ARID1B: variants seen among roughly 807,000 people sequenced by gnomAD.
The protein encoded by ARID1B is AT-rich interaction domain 1B, also known as AT-rich interactive domain-containing protein 1B.
ARID1B carries 30 observed loss-of-function variants against 212.3 expected under a neutral mutation model. The observed-to-expected ratio is 0.14, with a 90% CI of 0.11 to 0.19. The LOEUF is 0.19. ARID1B is among the 10% of genes least tolerant of loss of function. The probability of loss-of-function intolerance (pLI) is 1.00; values close to 1 mark genes in which losing one functional copy is unlikely to be tolerated. For missense variants in ARID1B, 2,891 were observed against 3,204.0 expected (o/e 0.90, Z 2.36); for synonymous variants, 1,402 against 1,301.7 (o/e 1.08, Z -1.66).
intron 4 of ARID1B, among the ~76,000 whole-genome samples, chr6:157,067,755 G>A (rs1783767891): frequency 6.6e-6 from 1 of 152,110 alleles, no homozygotes; most frequent in Non-Finnish European, 1.5e-5. Flanking sequence ...ACTGTGCAGT[G>A]CCTGTGTTTT....
chr6:156,908,867 T>C (rs942437787), intron 3 of ARID1B, among the ~76,000 whole-genome samples: 1 of 152,098 alleles, frequency 6.6e-6, no homozygotes, highest in Non-Finnish European at 1.5e-5. Context: ...TGAACAATGT[T>C]TTGTGTTTGA....
intron 2 of ARID1B, among the ~76,000 whole-genome samples, chr6:156,878,859 C>G (rs1786807553): frequency 6.6e-6 from 1 of 152,210 alleles, no homozygotes; most frequent in Non-Finnish European, 1.5e-5. Flanking sequence ...GAATTGTCAT[C>G]ATCATGGGTT....
intron 2 of ARID1B, among the ~76,000 whole-genome samples, chr6:156,856,209 A>G (rs1157031674): frequency 6.6e-6 from 1 of 152,202 alleles, no homozygotes; most frequent in African/African-American, 2.4e-5. Flanking sequence ...TGCAGGTGCC[A>G]TGTGGAAAGA....
intron 9 of ARID1B, chr6:157,168,775 G>A (rs536159087): frequency 9.8e-5 from 15 of 152,296 alleles, no homozygotes; most frequent in African/African-American, 3.4e-4. Flanking sequence ...TCGTTATTCC[G>A]TACAGAGGAA....
chr6:156,846,184 T>A (rs540390449), intron 2 of ARID1B, among the ~76,000 whole-genome samples: 1 of 151,258 alleles, frequency 6.6e-6, no homozygotes, highest in Admixed American at 6.6e-5. Flanking sequence ...AGACAGAGTC[T>A]CACTCTGTCA....
chr6:157,008,831 A>G (rs1348803801), intron 4 of ARID1B, among the ~76,000 whole-genome samples: 1 of 151,994 alleles, frequency 6.6e-6, no homozygotes, highest in African/African-American at 2.4e-5. Context: ...GAGCTCTCAC[A>G]GTTTGTAATG....
intron 4 of ARID1B, among the ~76,000 whole-genome samples, chr6:157,055,964 T>A (rs370498910): frequency 6.6e-6 from 1 of 152,178 alleles, no homozygotes; most frequent in African/African-American, 2.4e-5. Flanking sequence ...GAGATTTGCA[T>A]TCAATCTCTC....
chr6:156,872,029 A>G (rs1562449459), intron 2 of ARID1B, among the ~76,000 whole-genome samples: 2 of 152,234 alleles, frequency 1.3e-5, no homozygotes, highest in Admixed American at 6.5e-5. Context: ...ATGTGCATAT[A>G]TGATATTGTA....
chr6:156,805,919 C>T (rs182380066), intron 1 of ARID1B, among the ~76,000 whole-genome samples: 1 of 152,238 alleles, frequency 6.6e-6, no homozygotes. Flanking sequence ...TCAAGTGATC[C>T]TCCTGCCTTG....
chr6:157,021,829 G>C (rs1780309117), intron 4 of ARID1B, among the ~76,000 whole-genome samples: 2 of 152,098 alleles, frequency 1.3e-5, no homozygotes, highest in African/African-American at 4.8e-5. Flanking sequence ...ACATGAGCCG[G>C]CGCGGCCAGA....
In ARID1B at chr6:157,200,419, C is replaced by A. The variant is rs1226178104; in HGVS notation, c.4480-286C>A. Among the ~76,000 whole-genome samples the A allele has an allele frequency of 6.6e-6, 1 of 152,002 alleles. No individual in the cohort carries two copies. On this transcript the variant is annotated intron_variant, in intron 17 of 19. Transcript: ENST00000636930. The surrounding 1 kb of genome is among the most constrained non-coding windows in gnomAD (Gnocchi z 4.3). Reference sequence around the variant, plus strand: ...CGTCTGCCTGTGTGGGAGTTGAACGCTGGCTGTCCCGGTGGCACAGCCTAA... The same window carrying A: ...CGTCTGCCTGTGTGGGAGTTGAACGATGGCTGTCCCGGTGGCACAGCCTAA...
intron 3 of ARID1B, among the ~76,000 whole-genome samples, chr6:156,932,921 C>T (rs922041166): frequency 1.9e-4 from 29 of 152,206 alleles, no homozygotes; most frequent in Non-Finnish European, 4.1e-4. Context: ...TACTTAATAG[C>T]TGAAAGCTTC....
chr6:157,127,048 A>C (rs531301236), intron 6 of ARID1B, among the ~76,000 whole-genome samples: 36 of 152,390 alleles, frequency 2.4e-4, no homozygotes, highest in Non-Finnish European at 4.1e-4. Flanking sequence ...GAAACATTTT[A>C]AAATGTATTT....
intron 3 of ARID1B, among the ~76,000 whole-genome samples, chr6:156,920,625 T>C (rs990084083): frequency 2.0e-5 from 3 of 152,196 alleles, no homozygotes; most frequent in Non-Finnish European, 2.9e-5. Context: ...TTTGCTAATG[T>C]GGGCAGTGGT....
At chr6:156,908,642 A>C (rs1582924409) in intron 3 of ARID1B, among the ~76,000 whole-genome samples, 1 of 152,220 alleles carries the variant, frequency 6.6e-6, no homozygotes, top group South Asian at 2.1e-4. Flanking sequence ...ATATGAGACT[A>C]AAATTTTTTC....
intron 5 of ARID1B, among the ~76,000 whole-genome samples, chr6:157,109,926 CCTT>C (rs1255857850): frequency 1.3e-5 from 2 of 152,004 alleles, no homozygotes; most frequent in African/African-American, 4.8e-5. Context: ...AATAATAGTC[CCTT>C]CTTTAGTGAT....
intron 5 of ARID1B, among the ~76,000 whole-genome samples, chr6:157,104,029 G>T (rs1019859133): frequency 1.3e-5 from 2 of 151,852 alleles, no homozygotes; most frequent in African/African-American, 4.8e-5. Context: ...TAGAGACAGG[G>T]TTTCACCATG....
At chr6:156,813,079 T>C (rs961412002) in intron 1 of ARID1B, among the ~76,000 whole-genome samples, 2 of 137,430 alleles carry the variant, frequency 1.5e-5, no homozygotes, top group Non-Finnish European at 3.1e-5. Context: ...TATACACACA[T>C]ACGTATGTAT....
chr6:156,918,213 G>A (rs1420661491), intron 3 of ARID1B, among the ~76,000 whole-genome samples: 5 of 152,026 alleles, frequency 3.3e-5, no homozygotes, highest in Admixed American at 3.3e-4. Context: ...ATTAGGGACA[G>A]AGGCTGTGAT....
Sources: allele counts gnomAD v4.1 joint callset (sites outside exome capture counted in the v4.1 genomes callset), GRCh38; gene constraint gnomAD v4.1.1; non-coding constraint Gnocchi (gnomAD v3.1); transcripts MANE v1.5; gene names NCBI Gene and HGNC (gene_info 2026-07-23, HGNC 2026-07-21).